Variants in CARF observed in about 807,000 individuals in gnomAD.
The protein encoded by CARF is calcium responsive transcription factor, also known as calcium-responsive transcription factor.
A neutral mutation model predicts 82.0 loss-of-function variants in CARF; 57 were observed. The observed-to-expected ratio is 0.70, with a 90% confidence interval of 0.56 to 0.87. The LOEUF (loss-of-function observed/expected upper bound fraction) is 0.87. Among genes scored for constraint, CARF ranks in the 40% least tolerant of loss-of-function variants. The pLI is 0.00. For synonymous variants in CARF, 268 were observed against 290.1 expected (o/e 0.92, Z 0.77); for missense variants, 771 against 855.8 (o/e 0.90, Z 1.24).
Position 202,986,867 on chromosome 2 carries a change from C to CATATATAT in CARF, c.*3243_*3244insATATATAT, listed in dbSNP as rs1559298372. 14 of 56,688 alleles carry CATATATAT rather than the reference C, an allele frequency of 2.5e-4. 2 individuals are homozygous for CATATATAT. The highest frequency in any genetic ancestry group is 8.1e-4 in the East Asian group (2 of 2,476). The allele number at this position is 56,688 out of a possible 1,614,324, so 3.5% of individuals were successfully genotyped here. ...AAAAGAGGTTTAAAAAATGTCTGTGCGTATATATATATATATATATATATA... is the reference window on the plus strand; with the variant it reads ...AAAAGAGGTTTAAAAAATGTCTGTGCATATATATGTATATATATATATATATATATATA... On this transcript the variant is annotated 3_prime_UTR_variant, in exon 17 of 17. Transcript: ENST00000438828.
At chr2:202,974,606 C>T in intron 13 of CARF, 110 bp downstream of exon 13, 4 of 1,044,420 alleles carry the variant, frequency 3.8e-6, no homozygotes, top group Non-Finnish European at 5.5e-6. Flanking sequence ...GCAATATAAG[C>T]AAATACAATA....
At chr2:202,938,525 C>T (rs2058058395) in intron 3 of CARF, 1 of 151,394 alleles carries the variant, frequency 6.6e-6, no homozygotes, top group South Asian at 2.1e-4. Context: ...CCTGCCTCGG[C>T]CTCCAAAAGT....
At position 202,986,884 on chromosome 2, in the gene CARF, A is replaced by ATG. The variant is rs2060452118; in HGVS notation, c.*3261_*3262insGT. The stretch of plus-strand genomic sequence containing the variant: ...TGTCTGTGCGTATATATATATATAT[A>ATG]TATATATATATATATATATATATAG... On this transcript the variant is annotated 3_prime_UTR_variant, in exon 17 of 17. Coordinates refer to ENST00000438828, the MANE Select transcript of CARF (RefSeq NM_024744.17). 6.5e-5 allele frequency: 8 copies of ATG among 122,188 alleles called. No individual in the cohort carries two copies. Among genetic ancestry groups the ATG allele is most frequent in the Admixed American group, 1.7e-4 (2 of 11,736 alleles). 7.6% of individuals were successfully genotyped at this position (122,188 alleles called of 1,614,324 possible). A position where few individuals can be genotyped will look rare whatever the true frequency, so the allele number is the denominator to read the frequency against.
chr2:202,933,754 G>A (rs548759828), intron 3 of CARF, among the ~76,000 whole-genome samples: 12 of 152,290 alleles, frequency 7.9e-5, no homozygotes, highest in Admixed American at 5.2e-4. Context: ...CCATCTTGCT[G>A]ATGTGACGTG....
chr2:202,964,629 T>G (rs998137572), intron 9 of CARF, among the ~76,000 whole-genome samples: 1 of 151,844 alleles, frequency 6.6e-6, no homozygotes, highest in Non-Finnish European at 1.5e-5. Context: ...TTATGGAAAT[T>G]TTTACATGTG....
chr2:202,923,718 C>G (rs374322982), intron 2 of CARF, among the ~76,000 whole-genome samples: 1 of 152,162 alleles, frequency 6.6e-6, no homozygotes, highest in African/African-American at 2.4e-5. Context: ...TACCTGATTT[C>G]GAACTATACT....
intron 5 of CARF, among the ~76,000 whole-genome samples, chr2:202,946,009 C>T (rs1218270333): frequency 6.6e-6 from 1 of 152,144 alleles, no homozygotes; most frequent in East Asian, 1.9e-4. Context: ...GCCATTCTGA[C>T]TGGTGTGAGA....
intron 3 of CARF, chr2:202,925,840 C>T: frequency 5.2e-6 from 1 of 193,954 alleles, no homozygotes; most frequent in Non-Finnish European, 1.1e-5. Flanking sequence ...GCAAGGAGAG[C>T]CAGGTGGAGT....
Position 202,985,228 on chromosome 2 carries a change from C to T in CARF, c.*1604C>T, listed in dbSNP as rs2060396116. On this transcript the variant is annotated 3_prime_UTR_variant, in exon 17 of 17. Transcript: ENST00000438828. The stretch of plus-strand genomic sequence containing the variant: ...ATTCAAAACATGCACAATATAATAT[C>T]AAATTTAACCTTAATACTTTACATG... 6.6e-6 allele frequency: 1 copy of T among 151,786 alleles called. No individual in the cohort carries two copies. The highest frequency in any genetic ancestry group is 1.5e-5 in the Non-Finnish European group (1 of 67,958). 9.4% of individuals were successfully genotyped at this position (151,786 alleles called of 1,614,324 possible).
At chr2:202,966,939 A>C (rs981135801) in intron 9 of CARF, 39 bp from the exon 10 acceptor site, 2 of 1,603,190 alleles carry the variant, frequency 1.2e-6, no homozygotes, top group African/African-American at 2.7e-5. Flanking sequence ...GAATAGATGG[A>C]CACTTGAATT....
chr2:202,971,653 C>A lies in CARF; in HGVS notation c.1246C>A (p.Arg416Ser). Residue 416 changes from arginine (R) to serine (S), a missense_variant, in exon 12 of 17, where the codon CGT becomes AGT. Physicochemically the swap from Arg to Ser is moderately radical, Grantham distance 110 (BLOSUM62 -1). Transcript: ENST00000438828. ...AGATGAGAATTGTGCATTACCCTCACGTTTACATCCTCAAGTAGCACATAA... is the reference window on the plus strand; with the variant it reads ...AGATGAGAATTGTGCATTACCCTCAAGTTTACATCCTCAAGTAGCACATAA... ...VRDENCALPS[R>S]LHPQVAHKIQ... The A allele has an allele frequency of 6.2e-7, 1 of 1,613,556 alleles. No homozygotes were observed. Among genetic ancestry groups the A allele is most frequent in the Non-Finnish European group, 8.5e-7 (1 of 1,179,744 alleles).
intron 3 of CARF, among the ~76,000 whole-genome samples, chr2:202,939,692 T>TC (rs2058130721): frequency 6.9e-6 from 1 of 145,216 alleles, no homozygotes; most frequent in Non-Finnish European, 1.5e-5. Flanking sequence ...TTTCTTTTTT[T>TC]TTTTTTTTTT....
intron 2 of CARF, among the ~76,000 whole-genome samples, chr2:202,923,165 T>C (rs1691147348): frequency 6.6e-6 from 1 of 151,900 alleles, no homozygotes; most frequent in African/African-American, 2.4e-5. Context: ...CGCTTGAACC[T>C]GGGAGGCAGA....
rs1298557137 is a variant in CARF, at chr2:202,986,518, T to C, written c.*2894T>C. 6.6e-6 allele frequency: 1 copy of C among 152,070 alleles called. No individual in the cohort carries two copies. Among genetic ancestry groups the C allele is most frequent in the Non-Finnish European group, 1.5e-5 (1 of 67,962 alleles). 9.4% of individuals were successfully genotyped at this position (152,070 alleles called of 1,614,324 possible). A position where few individuals can be genotyped will look rare whatever the true frequency, so the allele number is the denominator to read the frequency against. ...TTGTTTATTCATTATAGTTTCCACA[T>C]TTCCAACTTCCAAGTGAACTTTATA... On this transcript the variant is annotated 3_prime_UTR_variant, in exon 17 of 17. Transcript: ENST00000438828.
In CARF at chr2:202,983,730, A is replaced by C; in HGVS notation, c.*106A>C. On this transcript the variant is annotated 3_prime_UTR_variant, in exon 17 of 17. Transcript: ENST00000438828. ...CATTGAGATAATTGGACTGAAGACC[A>C]GTTTGATGAGAAGCTTTTATTTAAA... 1 of 717,130 alleles carries C rather than the reference A, an allele frequency of 1.4e-6. No homozygotes were observed. Among genetic ancestry groups the C allele is most frequent in the Non-Finnish European group, 2.4e-6 (1 of 413,610 alleles). 44.4% of individuals were successfully genotyped at this position (717,130 alleles called of 1,614,324 possible). A position where few individuals can be genotyped will look rare whatever the true frequency, so the allele number is the denominator to read the frequency against.
intron 3 of CARF, chr2:202,925,649 G>A: frequency 4.4e-6 from 1 of 226,392 alleles, no homozygotes; most frequent in Admixed American, 5.4e-5. Context: ...CTTGGAGGCT[G>A]CCATCCCAGA....
chr2:202,918,690 G>A (rs887004343), intron 2 of CARF, among the ~76,000 whole-genome samples: 14 of 152,134 alleles, frequency 9.2e-5, no homozygotes, highest in African/African-American at 3.4e-4. Flanking sequence ...AGAAGGTAAA[G>A]CAAATTGATG....
At chr2:202,971,373 T>C (rs539092218) in intron 11 of CARF, 132 bp from the exon 12 acceptor site, 686 of 451,266 alleles carry the variant, frequency 1.5e-3, no homozygotes, top group Admixed American at 4.4e-3. Context: ...CCATATATAA[T>C]TTTTTCTTAA....
chr2:202,912,925 A>T lies in CARF; in HGVS notation c.-507A>T, dbSNP rs1281587968. On this transcript the variant is annotated 5_prime_UTR_variant, in exon 1 of 17. Coordinates refer to ENST00000438828, the MANE Select transcript of CARF (RefSeq NM_024744.17). ...GCCTTTTTTGTCTTGAAGTTACCCA[A>T]AGGCCTGTGTATTGTTCTCAATGGT... is the stretch of plus-strand genomic sequence containing the variant. 1.3e-5 allele frequency: 2 copies of T among 152,136 alleles called. No homozygotes were observed. Among genetic ancestry groups the T allele is most frequent in the Non-Finnish European group, 2.9e-5 (2 of 68,092 alleles). The allele number at this position is 152,136 out of a possible 1,614,324, so 9.4% of individuals were successfully genotyped here. A position where few individuals can be genotyped will look rare whatever the true frequency, so the allele number is the denominator to read the frequency against.
Sources: gnomAD v4.1 joint callset for allele counts (sites outside exome capture counted in the v4.1 genomes callset) on GRCh38, gnomAD v4.1.1 for gene constraint, MANE v1.5 for transcripts, NCBI Gene and HGNC (gene_info 2026-07-23, HGNC 2026-07-21) for gene names.